LRRC7: variants seen among roughly 807,000 people sequenced by gnomAD.
LRRC7 encodes the protein leucine rich repeat containing 7.
LRRC7 carries 23 observed loss-of-function variants against 175.7 expected under a neutral mutation model. That is an observed-to-expected ratio of 0.13 (90% confidence interval 0.09 to 0.19). The LOEUF is 0.19. LRRC7 is among the 10% of genes least tolerant of loss of function. The probability of loss-of-function intolerance (pLI) is 1.00; values close to 1 mark genes in which losing one functional copy is unlikely to be tolerated. For missense variants in LRRC7, 1,354 were observed against 1,904.7 expected, an observed-to-expected ratio of 0.71 and a Z score of 5.38; for synonymous variants, 685 against 680.9, an observed-to-expected ratio of 1.01 and a Z score of -0.09.
At chr1:69,663,948 C>T (rs1459817526) in intron 1 of LRRC7, among the ~76,000 whole-genome samples, 1 of 151,730 alleles carries the variant, frequency 6.6e-6, no homozygotes, top group African/African-American at 2.4e-5. Flanking sequence ...GTCTCGATCT[C>T]CTGACCTCAT....
At chr1:69,949,406 G>A (rs542818743) in intron 8 of LRRC7, among the ~76,000 whole-genome samples, 36 of 151,976 alleles carry the variant, frequency 2.4e-4, no homozygotes, top group South Asian at 8.3e-4. Context: ...ATCCTGTCTC[G>A]ACTAAAAATA....
intron 24 of LRRC7, among the ~76,000 whole-genome samples, chr1:70,080,141 AGT>A (rs1663099809): frequency 6.6e-6 from 1 of 152,238 alleles, no homozygotes; most frequent in African/African-American, 2.4e-5. Flanking sequence ...TGCCTTATGG[AGT>A]GTTCAAGTGA....
chr1:69,957,877 T>C (rs918104517), intron 8 of LRRC7, among the ~76,000 whole-genome samples: 3 of 151,920 alleles, frequency 2.0e-5, no homozygotes, highest in African/African-American at 2.4e-5. Flanking sequence ...ACTATCTAAA[T>C]TGGAAAAATT....
At chr1:69,753,853 C>G (rs1420992295) in intron 2 of LRRC7, among the ~76,000 whole-genome samples, 1 of 152,004 alleles carries the variant, frequency 6.6e-6, no homozygotes, top group Non-Finnish European at 1.5e-5. Flanking sequence ...AATATAGTCC[C>G]AAGAATCACA....
intron 1 of LRRC7, among the ~76,000 whole-genome samples, chr1:69,609,614 A>G (rs1648375777): frequency 6.6e-6 from 1 of 152,042 alleles, no homozygotes; most frequent in Admixed American, 6.6e-5. Context: ...AATATATGTG[A>G]TGGTGCTCAG....
At chr1:70,121,391 A>G (rs1205664836) in intron 26 of LRRC7, among the ~76,000 whole-genome samples, 1 of 152,062 alleles carries the variant, frequency 6.6e-6, no homozygotes, top group Non-Finnish European at 1.5e-5. Flanking sequence ...CATGCTGATT[A>G]GTTTATATTA....
intron 1 of LRRC7, among the ~76,000 whole-genome samples, chr1:69,570,657 A>AGGTGTT: frequency 6.6e-6 from 1 of 152,012 alleles, no homozygotes; most frequent in Non-Finnish European, 1.5e-5. Flanking sequence ...AACTACCACG[A>AGGTGTT]GGTGTTTTTT....
rs1170747258 is a variant in LRRC7, at chr1:70,133,145, T to G, written c.*11258T>G. On this transcript the variant is annotated 3_prime_UTR_variant, in exon 27 of 27. Coordinates refer to ENST00000651989, the MANE Select transcript of LRRC7 (RefSeq NM_001370785.2). ...GCCACCACTAGATGGAGACCTCATA[T>G]CTACATTTTAAATCCCAGCCTTGGC... Among the ~76,000 whole-genome samples the G allele has an allele frequency of 6.6e-6, 1 of 152,140 alleles. No individual in the cohort carries two copies. Among genetic ancestry groups the G allele is most frequent in the Non-Finnish European group, 1.5e-5 (1 of 68,032 alleles).
intron 2 of LRRC7, among the ~76,000 whole-genome samples, chr1:69,722,061 A>G (rs1051344542): frequency 5.3e-5 from 8 of 152,066 alleles, no homozygotes; most frequent in African/African-American, 1.9e-4. Flanking sequence ...TTCCCTCTCT[A>G]GAGAGAATTA....
chr1:70,023,596 C>T lies in LRRC7; in HGVS notation c.1794+222C>T, dbSNP rs751940449. ...GGGAGGGAATATCAATGTGAGGTGC[C>T]TATTGGTGGGATATCTGGCATGGTT... is the stretch of plus-strand genomic sequence containing the variant. On this transcript the variant is annotated intron_variant, in intron 17 of 26. Transcript: ENST00000651989. Among the ~76,000 whole-genome samples the T allele has an allele frequency of 5.3e-5, 8 of 150,566 alleles. No homozygotes were observed. The East Asian group carries it at 1.4e-3, about 26-fold the overall frequency.
intron 1 of LRRC7, among the ~76,000 whole-genome samples, chr1:69,655,121 G>A (rs551880988): frequency 6.6e-6 from 1 of 152,100 alleles, no homozygotes; most frequent in East Asian, 1.9e-4. Flanking sequence ...CTCAGGTTCT[G>A]TGATAAATTA....
chr1:69,974,300 G>T (rs569291353), intron 8 of LRRC7, among the ~76,000 whole-genome samples: 1 of 152,026 alleles, frequency 6.6e-6, no homozygotes, highest in Non-Finnish European at 1.5e-5. Flanking sequence ...ATATTATTCT[G>T]TAATTAACAT....
chr1:69,734,901 G>A (rs1337868502), intron 2 of LRRC7, among the ~76,000 whole-genome samples: 1 of 151,436 alleles, frequency 6.6e-6, no homozygotes, highest in Non-Finnish European at 1.5e-5. Flanking sequence ...TTATTCAATG[G>A]CAATATACAA....
At chr1:69,983,729 A>G (rs954211843) in intron 9 of LRRC7, among the ~76,000 whole-genome samples, 3 of 152,102 alleles carry the variant, frequency 2.0e-5, no homozygotes, top group African/African-American at 4.8e-5. Flanking sequence ...TCACAGCCCA[A>G]CTTCTTTGTC....
rs17131111 is a variant in LRRC7 at position 69,999,664 on chromosome 1, C to T, written c.1004+5031C>T. ...AATAGGTACTAATAGTTCAGGTGTT[C>T]TCTGACACTTCTGATTCTGTCAGTT... On this transcript the variant is annotated intron_variant, in intron 11 of 26. Coordinates refer to ENST00000651989, the MANE Select transcript of LRRC7 (RefSeq NM_001370785.2). 7.5e-3 allele frequency among the ~76,000 whole-genome samples: 1,139 copies of T among 152,258 alleles called. 13 individuals carry two copies. Among genetic ancestry groups the T allele is most frequent in the African/African-American group, 0.026 (1,089 of 41,534 alleles).
At chr1:69,714,602 G>A (rs1252961087) in intron 2 of LRRC7, among the ~76,000 whole-genome samples, 2 of 152,136 alleles carry the variant, frequency 1.3e-5, no homozygotes, top group African/African-American at 4.8e-5. Flanking sequence ...ATCAGTAGAA[G>A]GGCAGTCCTA....
At chr1:69,895,685 A>G (rs1171553572) in intron 7 of LRRC7, among the ~76,000 whole-genome samples, 1 of 152,184 alleles carries the variant, frequency 6.6e-6, no homozygotes, top group Non-Finnish European at 1.5e-5. Context: ...AAATGTAACT[A>G]TACAGTATAT....
At chr1:69,888,973 A>G (rs1489429945) in intron 7 of LRRC7, among the ~76,000 whole-genome samples, 1 of 152,278 alleles carries the variant, frequency 6.6e-6, no homozygotes, top group Non-Finnish European at 1.5e-5. Context: ...AAATATTGCA[A>G]TGAAACTATT....
intron 1 of LRRC7, among the ~76,000 whole-genome samples, chr1:69,648,131 C>T (rs1285145365): frequency 1.3e-5 from 2 of 151,932 alleles, no homozygotes; most frequent in Non-Finnish European, 2.9e-5. Context: ...GGTAAATAGA[C>T]GTGGACCCTG....
Sources: gnomAD v4.1 joint callset for allele counts (sites outside exome capture counted in the v4.1 genomes callset) on GRCh38, gnomAD v4.1.1 for gene constraint, MANE v1.5 for transcripts, NCBI Gene and HGNC (gene_info 2026-07-23, HGNC 2026-07-21) for gene names.